CHODL: variants seen among roughly 807,000 people sequenced by gnomAD.
CHODL encodes the protein chondrolectin.
Under a neutral mutation model 34.5 loss-of-function variants are expected in CHODL, and 29 were observed. That is an observed-to-expected ratio of 0.84 (90% confidence interval 0.63 to 1.15). The LOEUF is 1.15. CHODL is among the 50% of genes most tolerant of loss of function. The pLI is 0.00. For synonymous variants in CHODL, 125 were observed against 116.1 expected (o/e 1.08, Z -0.49); for missense variants, 332 against 332.5 (o/e 1.00, Z 0.01).
intron 2 of CHODL, among the ~76,000 whole-genome samples, chr21:18,216,626 G>A (rs897905988): frequency 1.4e-4 from 22 of 152,058 alleles, no homozygotes; most frequent in African/African-American, 3.1e-4. Flanking sequence ...GTCAGTTTTC[G>A]CACTGCTATA....
At chr21:18,217,890 ACAT>A (rs2073846269) in intron 2 of CHODL, among the ~76,000 whole-genome samples, 1 of 152,192 alleles carries the variant, frequency 6.6e-6, no homozygotes, top group Non-Finnish European at 1.5e-5. Context: ...TGGGGCAGTC[ACAT>A]CATAAAGCTC....
intron 2 of CHODL, among the ~76,000 whole-genome samples, chr21:18,033,146 C>T (rs1005756411): frequency 1.3e-5 from 2 of 151,882 alleles, no homozygotes; most frequent in Non-Finnish European, 2.9e-5. Flanking sequence ...GGATGATATA[C>T]CAATGGAGAC....
At chr21:18,081,856 A>G (rs2064946316) in intron 2 of CHODL, among the ~76,000 whole-genome samples, 2 of 152,168 alleles carry the variant, frequency 1.3e-5, no homozygotes, top group African/African-American at 4.8e-5. Flanking sequence ...GAGGAATTTT[A>G]TCACAAAGCA....
intron 2 of CHODL, among the ~76,000 whole-genome samples, chr21:18,041,966 T>C (rs931370159): frequency 1.6e-4 from 25 of 151,892 alleles, no homozygotes; most frequent in African/African-American, 6.0e-4. Context: ...TGAATATATT[T>C]TTTTTAATTT....
chr21:18,251,189 G>A (rs993191009), intron 1 of CHODL, among the ~76,000 whole-genome samples: 1 of 150,516 alleles, frequency 6.6e-6, no homozygotes, highest in African/African-American at 2.4e-5. Context: ...TAGCTCTATA[G>A]AAATTTTAAT....
chr21:18,232,687 C>T (rs779245296), intron 2 of CHODL, among the ~76,000 whole-genome samples: 1 of 151,678 alleles, frequency 6.6e-6, no homozygotes. Flanking sequence ...ATCTCAGTCA[C>T]CTTTGGGAAA....
intron 2 of CHODL, among the ~76,000 whole-genome samples, chr21:18,235,384 A>C (rs2074019884): frequency 6.6e-6 from 1 of 151,566 alleles, no homozygotes. Context: ...AAATTTAAAA[A>C]ATTAAAATAC....
intron 2 of CHODL, among the ~76,000 whole-genome samples, chr21:18,095,123 CA>C (rs71329775): frequency 0.013 from 1,682 of 131,714 alleles, 28 homozygotes; most frequent in African/African-American, 0.043. Context: ...GACTTTGTCT[CA>C]AAAAAAAAAA....
intron 1 of CHODL, among the ~76,000 whole-genome samples, chr21:17,926,358 A>G (rs1434689028): frequency 6.7e-6 from 1 of 148,896 alleles, no homozygotes; most frequent in East Asian, 2.0e-4. Flanking sequence ...TACTGAGGGT[A>G]ACAAATAAAT....
intron 1 of CHODL, among the ~76,000 whole-genome samples, chr21:17,969,631 G>T (rs1243957026): frequency 6.6e-6 from 1 of 152,142 alleles, no homozygotes; most frequent in African/African-American, 2.4e-5. Context: ...TTTAAAGAAA[G>T]CAATTATTTT....
chr21:18,113,850 T>A (rs1164017861), intron 2 of CHODL, among the ~76,000 whole-genome samples: 1 of 152,206 alleles, frequency 6.6e-6, no homozygotes, highest in Non-Finnish European at 1.5e-5. Flanking sequence ...CCTGTGTTTG[T>A]TGCAGCACTG....
At chr21:18,025,611 T>G (rs1458561749) in intron 1 of CHODL, among the ~76,000 whole-genome samples, 1 of 152,188 alleles carries the variant, frequency 6.6e-6, no homozygotes, top group Admixed American at 6.5e-5. Context: ...TTTTAGTTAT[T>G]TTTGTTGCGT....
At chr21:18,117,443 T>G (rs1283560507) in intron 2 of CHODL, among the ~76,000 whole-genome samples, 1 of 152,222 alleles carries the variant, frequency 6.6e-6, no homozygotes, top group Non-Finnish European at 1.5e-5. Flanking sequence ...GACTGAAAGT[T>G]CACAGTTCAG....
intron 5 of CHODL, among the ~76,000 whole-genome samples, chr21:18,265,263 A>ATATATATGTG (rs1568965997): frequency 8.5e-6 from 1 of 117,256 alleles, no homozygotes; most frequent in African/African-American, 3.6e-5. Context: ...ATATATGTGT[A>ATATATATGTG]TATATATATG....
chr21:18,003,058 A>T (rs1194491162), intron 1 of CHODL, among the ~76,000 whole-genome samples: 1 of 147,170 alleles, frequency 6.8e-6, no homozygotes, highest in Non-Finnish European at 1.5e-5. Context: ...CGGGGGGCGG[A>T]GTGTGCAGTG....
intron 5 of CHODL, 73 bp from the exon 6 acceptor site, chr21:18,265,881 T>C: frequency 2.5e-6 from 3 of 1,195,162 alleles, no homozygotes; most frequent in Admixed American, 2.2e-5. Context: ...CTGAGATATC[T>C]CCCTTTGGAC....
chr21:18,032,767 G>A (rs1293974091), intron 2 of CHODL, among the ~76,000 whole-genome samples: 1 of 151,972 alleles, frequency 6.6e-6, no homozygotes, highest in Non-Finnish European at 1.5e-5. Flanking sequence ...TCTCCAAACT[G>A]TGGCCCAGAA....
chr21:18,106,760 G>T (rs2065278405), intron 2 of CHODL, among the ~76,000 whole-genome samples: 1 of 152,136 alleles, frequency 6.6e-6, no homozygotes, highest in South Asian at 2.1e-4. Context: ...CTCCCAAAGT[G>T]CTGGGATTAC....
At chr21:18,021,072 A>G (rs1459856827) in intron 1 of CHODL, among the ~76,000 whole-genome samples, 1 of 152,180 alleles carries the variant, frequency 6.6e-6, no homozygotes, top group Non-Finnish European at 1.5e-5. Flanking sequence ...CCCTAGTTGA[A>G]TATTAAGTGA....
Sources: allele counts gnomAD v4.1 joint callset (sites outside exome capture counted in the v4.1 genomes callset), GRCh38; gene constraint gnomAD v4.1.1; transcripts MANE v1.5; gene names NCBI Gene and HGNC (gene_info 2026-07-23, HGNC 2026-07-21).